Variants in MAPKAP1 observed in about 807,000 individuals in gnomAD.
MAPKAP1 encodes the protein MAPK associated protein 1.
A neutral mutation model predicts 65.7 loss-of-function variants in MAPKAP1; 20 were observed. That is an observed-to-expected ratio of 0.30 (90% confidence interval 0.21 to 0.44). The LOEUF is 0.44. Ranked by LOEUF, MAPKAP1 falls within the 20% of genes least tolerant of loss-of-function variation. The pLI, the probability that MAPKAP1 is intolerant of heterozygous loss-of-function variation, is 1.00. For missense variants in MAPKAP1, 423 were observed against 648.0 expected (o/e 0.65, Z 3.77); for synonymous variants, 222 against 244.3 (o/e 0.91, Z 0.85).
intron 4 of MAPKAP1, among the ~76,000 whole-genome samples, chr9:125,591,521 T>C (rs989504328): frequency 6.6e-6 from 1 of 152,126 alleles, no homozygotes; most frequent in African/African-American, 2.4e-5. Flanking sequence ...CATAGTAAAA[T>C]AGAAAGTGGG....
At chr9:125,551,233 A>C (rs867114470) in intron 6 of MAPKAP1, among the ~76,000 whole-genome samples, 10 of 152,298 alleles carry the variant, frequency 6.6e-5, no homozygotes, top group African/African-American at 2.2e-4. Context: ...TAACAGAAGG[A>C]AAGGCTTCAA....
intron 11 of MAPKAP1, among the ~76,000 whole-genome samples, chr9:125,443,098 T>G (rs1852555265): frequency 6.6e-6 from 1 of 152,250 alleles, no homozygotes; most frequent in African/African-American, 2.4e-5. Context: ...GCTGTGAAGA[T>G]GCACTGTGAT....
chr9:125,559,244 G>A (rs1374087005), intron 6 of MAPKAP1: 3 of 156,622 alleles, frequency 1.9e-5, no homozygotes, highest in African/African-American at 7.2e-5. Flanking sequence ...TTTGGTCTGA[G>A]AGAAAATTAT....
intron 8 of MAPKAP1, among the ~76,000 whole-genome samples, chr9:125,488,266 T>C (rs552003854): frequency 1.5e-4 from 23 of 152,312 alleles, no homozygotes; most frequent in African/African-American, 5.1e-4. Flanking sequence ...ACAGAAGGAA[T>C]AGTCCTGTAC....
chr9:125,458,085 G>T (rs1853260686), intron 10 of MAPKAP1, among the ~76,000 whole-genome samples: 1 of 152,292 alleles, frequency 6.6e-6, no homozygotes, highest in African/African-American at 2.4e-5. Flanking sequence ...TTCTCTCAGG[G>T]ATCACAGTCC....
chr9:125,681,954 G>A (rs1462416834), intron 1 of MAPKAP1, among the ~76,000 whole-genome samples: 1 of 152,094 alleles, frequency 6.6e-6, no homozygotes, highest in Non-Finnish European at 1.5e-5. Flanking sequence ...AGAGACAAGA[G>A]TCTTGTCATC....
At chr9:125,457,933 AT>A (rs1233164369) in intron 10 of MAPKAP1, among the ~76,000 whole-genome samples, 2 of 152,230 alleles carry the variant, frequency 1.3e-5, no homozygotes, top group Non-Finnish European at 1.5e-5. Context: ...TATTCTGCAA[AT>A]TTCCGTTGCT....
chr9:125,666,888 C>T (rs1027916463), intron 3 of MAPKAP1, among the ~76,000 whole-genome samples: 3 of 152,168 alleles, frequency 2.0e-5, no homozygotes, highest in African/African-American at 4.8e-5. Flanking sequence ...TTCTTTTGTG[C>T]ATTGATAAGT....
At chr9:125,505,446 C>A (rs1829111789) in intron 8 of MAPKAP1, among the ~76,000 whole-genome samples, 1 of 152,008 alleles carries the variant, frequency 6.6e-6, no homozygotes, top group Non-Finnish European at 1.5e-5. Flanking sequence ...AGTTTGAGAC[C>A]AGCCTGGCCA....
chr9:125,552,201 TAA>T (rs935428765), intron 6 of MAPKAP1, among the ~76,000 whole-genome samples: 12 of 152,204 alleles, frequency 7.9e-5, no homozygotes, highest in African/African-American at 2.9e-4. Context: ...GAAGATTTGT[TAA>T]AAGAGGCAGT....
intron 1 of MAPKAP1, among the ~76,000 whole-genome samples, chr9:125,695,083 T>C (rs903334110): frequency 6.6e-6 from 1 of 152,262 alleles, no homozygotes; most frequent in Non-Finnish European, 1.5e-5. Context: ...ATACAAGTTA[T>C]ACCAACTTGG....
chr9:125,494,765 T>C (rs941328997), intron 8 of MAPKAP1, among the ~76,000 whole-genome samples: 1 of 152,156 alleles, frequency 6.6e-6, no homozygotes, highest in African/African-American at 2.4e-5. Context: ...CTCTTACTCA[T>C]TATTGGACTA....
chr9:125,558,394 G>C (rs1048350222), intron 6 of MAPKAP1, among the ~76,000 whole-genome samples: 4 of 152,040 alleles, frequency 2.6e-5, no homozygotes, highest in Non-Finnish European at 5.9e-5. Context: ...CTTGTAGTAG[G>C]GATGAAACGG....
intron 7 of MAPKAP1, among the ~76,000 whole-genome samples, chr9:125,524,377 G>A (rs1311959851): frequency 6.6e-6 from 1 of 152,226 alleles, no homozygotes; most frequent in Non-Finnish European, 1.5e-5. Context: ...CACATGTAAA[G>A]CACTTAGTTT....
chr9:125,470,581 C>T (rs1402410258), intron 9 of MAPKAP1, among the ~76,000 whole-genome samples: 5 of 152,288 alleles, frequency 3.3e-5, no homozygotes, highest in East Asian at 1.9e-4. Context: ...AAATTGTTAC[C>T]GTATAGTTCA....
intron 4 of MAPKAP1, among the ~76,000 whole-genome samples, chr9:125,618,276 A>G (rs1259703074): frequency 8.0e-6 from 1 of 125,450 alleles, no homozygotes; most frequent in Non-Finnish European, 1.6e-5. Context: ...TGGAAGGGTG[A>G]GGTTGCAGTG....
intron 4 of MAPKAP1, among the ~76,000 whole-genome samples, chr9:125,605,678 T>C (rs1832420762): frequency 6.6e-6 from 1 of 152,172 alleles, no homozygotes; most frequent in Non-Finnish European, 1.5e-5. Flanking sequence ...GGTGTCAACT[T>C]TGCAGGTGCT....
At chr9:125,459,167 A>C (rs1306590141) in intron 10 of MAPKAP1, among the ~76,000 whole-genome samples, 1 of 122,012 alleles carries the variant, frequency 8.2e-6, no homozygotes, top group Non-Finnish European at 1.7e-5. Context: ...CGCTCCTCAC[A>C]TCCCAGACGG....
chr9:125,657,822 A>G (rs1564605036), intron 3 of MAPKAP1, 23 bp from the exon 4 acceptor site: 1 of 1,609,586 alleles, frequency 6.2e-7, no homozygotes, highest in Admixed American at 1.7e-5. Flanking sequence ...AGGAAGAAAA[A>G]CATCTTTGTG....
Sources: gnomAD v4.1 joint callset for allele counts (sites outside exome capture counted in the v4.1 genomes callset) on GRCh38, gnomAD v4.1.1 for gene constraint, MANE v1.5 for transcripts, NCBI Gene and HGNC (gene_info 2026-07-23, HGNC 2026-07-21) for gene names.